Variants in SVEP1 observed in about 807,000 individuals in gnomAD.
SVEP1 encodes the protein sushi, von Willebrand factor type A, EGF and pentraxin domain-containing protein 1.
In SVEP1, 164 loss-of-function variants were observed where a neutral mutation model predicts 367.3. That is an observed-to-expected ratio of 0.45 (90% CI 0.39 to 0.51). The LOEUF is 0.51. SVEP1 is among the 20% of genes least tolerant of loss of function. The pLI is 0.00. For missense variants in SVEP1, 4,117 were observed against 4,425.3 expected, an observed-to-expected ratio of 0.93 and a Z score of 1.98; for synonymous variants, 1,666 against 1,611.6, an observed-to-expected ratio of 1.03 and a Z score of -0.81.
chr9:110,429,848 C>T, intron 34 of SVEP1, 72 bp downstream of exon 34: 1 of 1,288,406 alleles, frequency 7.8e-7, no homozygotes, highest in Non-Finnish European at 1.1e-6. Flanking sequence ...CACCCCCTTT[C>T]TTTCAGTGTT....
chr9:110,476,956 T>C (rs1425535036), intron 13 of SVEP1, among the ~76,000 whole-genome samples: 2 of 152,180 alleles, frequency 1.3e-5, no homozygotes, highest in Non-Finnish European at 1.5e-5. Flanking sequence ...CTGACCCTTC[T>C]GGTGACAGTC....
At chr9:110,435,522 T>C (rs59489375) in intron 28 of SVEP1, among the ~76,000 whole-genome samples, 158 bp from the exon 29 acceptor site, 5,696 of 152,296 alleles carry the variant, frequency 0.037, 354 homozygotes, top group African/African-American at 0.13. Context: ...GATTCTCTTC[T>C]GTTTCCCTCT....
intron 1 of SVEP1, among the ~76,000 whole-genome samples, chr9:110,561,728 CAAAT>C (rs765814454): frequency 1.1e-4 from 17 of 152,052 alleles, no homozygotes; most frequent in Non-Finnish European, 2.1e-4. Context: ...AATAAGTAAA[CAAAT>C]AGATAAAACA....
intron 5 of SVEP1, among the ~76,000 whole-genome samples, chr9:110,509,058 T>C (rs976801317): frequency 6.6e-6 from 1 of 152,224 alleles, no homozygotes; most frequent in Non-Finnish European, 1.5e-5. Context: ...ACTTTCTCCA[T>C]ACTACCCACC....
At chr9:110,413,431 A>G (rs1351326136) in intron 36 of SVEP1, among the ~76,000 whole-genome samples, 1 of 148,848 alleles carries the variant, frequency 6.7e-6, no homozygotes, top group Non-Finnish European at 1.5e-5. Flanking sequence ...TGGGAGATAT[A>G]CCTAATGCTA....
At chr9:110,474,963 A>G (rs556795619) in intron 14 of SVEP1, among the ~76,000 whole-genome samples, 1 of 150,870 alleles carries the variant, frequency 6.6e-6, no homozygotes, top group South Asian at 2.1e-4. Flanking sequence ...TATATATATA[A>G]TAATATGTAT....
At chr9:110,447,227 T>C (rs891527354) in intron 24 of SVEP1, among the ~76,000 whole-genome samples, 170 bp from the exon 25 acceptor site, 4 of 152,222 alleles carry the variant, frequency 2.6e-5, no homozygotes, top group African/African-American at 9.6e-5. Flanking sequence ...ATTAAATCTA[T>C]GTAAGACAAG....
chr9:110,558,859 C>T (rs1037091041), intron 1 of SVEP1, among the ~76,000 whole-genome samples: 36 of 152,132 alleles, frequency 2.4e-4, no homozygotes, highest in African/African-American at 8.4e-4. Context: ...AAGAAACTTT[C>T]TCGTTTATGT....
intron 43 of SVEP1, among the ~76,000 whole-genome samples, chr9:110,382,284 A>G (rs1326772602): frequency 1.3e-5 from 2 of 152,058 alleles, no homozygotes; most frequent in Non-Finnish European, 2.9e-5. Flanking sequence ...GTGGTGATGA[A>G]TTCCCTCAGT....
At chr9:110,437,361 A>G (rs1204989537) in intron 27 of SVEP1, among the ~76,000 whole-genome samples, 3 of 151,998 alleles carry the variant, frequency 2.0e-5, no homozygotes, top group Non-Finnish European at 4.4e-5. Flanking sequence ...ATCCCTTACA[A>G]CCATCTGTTG....
chr9:110,548,541 A>T (rs1830246737), intron 2 of SVEP1, among the ~76,000 whole-genome samples: 3 of 152,160 alleles, frequency 2.0e-5, no homozygotes, highest in Admixed American at 2.0e-4. Flanking sequence ...GATGAATGAT[A>T]TGTAAAAACA....
chr9:110,386,570 T>G (rs904758285), intron 42 of SVEP1, among the ~76,000 whole-genome samples: 1 of 152,096 alleles, frequency 6.6e-6, no homozygotes, highest in Non-Finnish European at 1.5e-5. Context: ...AGACTCATAC[T>G]GCTATGGGCA....
At chr9:110,371,681 C>T (rs1827278290) in intron 46 of SVEP1, among the ~76,000 whole-genome samples, 1 of 152,206 alleles carries the variant, frequency 6.6e-6, no homozygotes, top group African/African-American at 2.4e-5. Context: ...ACACCTTCCA[C>T]TCCAGTGCCC....
chr9:110,509,332 A>C (rs916021962), intron 5 of SVEP1, among the ~76,000 whole-genome samples: 15 of 152,258 alleles, frequency 9.9e-5, no homozygotes, highest in African/African-American at 3.4e-4. Flanking sequence ...ATGTAACTAA[A>C]TACACTGAGC....
chr9:110,379,539 A>G (rs763170267), intron 43 of SVEP1, 22 bp from the exon 44 acceptor site: 9 of 1,612,270 alleles, frequency 5.6e-6, no homozygotes, highest in South Asian at 4.4e-5. Context: ...CAAAACAACA[A>G]TTAAGCTTGT....
At chr9:110,457,575 AGT>A (rs879346000) in intron 20 of SVEP1, among the ~76,000 whole-genome samples, 8 of 152,182 alleles carry the variant, frequency 5.3e-5, no homozygotes, top group Admixed American at 5.2e-4. Context: ...AAACCTAAGG[AGT>A]GTTTCTAAAT....
At chr9:110,551,694 G>T (rs1830289024) in intron 1 of SVEP1, among the ~76,000 whole-genome samples, 1 of 152,114 alleles carries the variant, frequency 6.6e-6, no homozygotes, top group Admixed American at 6.5e-5. Context: ...TTAAAAAGCT[G>T]CCCTCTTGAT....
At chr9:110,391,719 C>CTT (rs1475817200) in intron 40 of SVEP1, among the ~76,000 whole-genome samples, 11 of 152,180 alleles carry the variant, frequency 7.2e-5, no homozygotes, top group Admixed American at 1.3e-4. Flanking sequence ...CTAAGAAACT[C>CTT]TTTACAAATA....
chr9:110,428,112 C>CA (rs1366413082), intron 35 of SVEP1, among the ~76,000 whole-genome samples: 2 of 152,078 alleles, frequency 1.3e-5, no homozygotes, highest in African/African-American at 4.8e-5. Context: ...GGAAGAAAGA[C>CA]ACTCACCTAA....
Sources: gnomAD v4.1 joint callset for allele counts (sites outside exome capture counted in the v4.1 genomes callset) on GRCh38, gnomAD v4.1.1 for gene constraint, MANE v1.5 for transcripts, NCBI Gene and HGNC (gene_info 2026-07-23, HGNC 2026-07-21) for gene names.